PPFIA2: variants seen among roughly 807,000 people sequenced by gnomAD.
PPFIA2 encodes the protein PPFI scaffold protein A2.
A neutral mutation model predicts 175.5 loss-of-function variants in PPFIA2; 46 were observed. The ratio of observed to expected loss-of-function variants is 0.26; its 90% CI spans 0.21 to 0.34. The LOEUF is 0.34. PPFIA2 is among the 10% of genes least tolerant of loss of function. PPFIA2 has a pLI of 1.00. For synonymous variants in PPFIA2, 568 were observed against 511.4 expected (o/e 1.11, Z -1.49); for missense variants, 1,179 against 1,506.1 (o/e 0.78, Z 3.60).
intron 4 of PPFIA2, among the ~76,000 whole-genome samples, chr12:81,587,054 G>T (rs1376446321): frequency 2.0e-5 from 3 of 151,850 alleles, no homozygotes; most frequent in African/African-American, 7.2e-5. Context: ...TAAAAATAGA[G>T]AAATAATTTC....
intron 4 of PPFIA2, among the ~76,000 whole-genome samples, chr12:81,591,405 G>T (rs139014772): frequency 1.6e-4 from 24 of 152,240 alleles, no homozygotes; most frequent in Non-Finnish European, 1.0e-4. Context: ...AATTCAAGCC[G>T]GCTGCAGGAA....
intron 4 of PPFIA2, among the ~76,000 whole-genome samples, chr12:81,549,531 C>T (rs960331280): frequency 1.1e-4 from 17 of 151,862 alleles, no homozygotes; most frequent in African/African-American, 3.9e-4. Flanking sequence ...TAATGCATTC[C>T]TCTTTGATGC....
chr12:81,462,237 C>T (rs150494208), intron 4 of PPFIA2, among the ~76,000 whole-genome samples: 2 of 135,538 alleles, frequency 1.5e-5, no homozygotes, highest in African/African-American at 5.3e-5. Context: ...ACATTATTGT[C>T]TGCCATGCTT....
intron 3 of PPFIA2, among the ~76,000 whole-genome samples, chr12:81,707,176 C>T (rs1293483244): frequency 6.6e-6 from 1 of 152,108 alleles, no homozygotes; most frequent in Non-Finnish European, 1.5e-5. Flanking sequence ...CAAATGGGAT[C>T]TAATTAAACT....
intron 4 of PPFIA2, among the ~76,000 whole-genome samples, chr12:81,485,350 T>C (rs1306231178): frequency 6.6e-6 from 1 of 151,766 alleles, no homozygotes; most frequent in Non-Finnish European, 1.5e-5. Flanking sequence ...TAATACACTT[T>C]ATATAATTAT....
In PPFIA2 at chr12:81,293,190, G is replaced by A. The variant is rs548759368; in HGVS notation, c.2925+1645C>T. Among the ~76,000 whole-genome samples the A allele has an allele frequency of 2.0e-4, 31 of 151,944 alleles. No individual in the cohort carries two copies. In the South Asian group the frequency reaches 6.0e-3, roughly 30 times the overall value. ...ATGCTATATAAGATATGAGATTTGG[G>A]AAATCTAGTAATTATCAGAAATAAT... On this transcript the variant is annotated intron_variant, in intron 24 of 32. Coordinates refer to ENST00000549396, the MANE Select transcript of PPFIA2 (RefSeq NM_003625.5).
intron 7 of PPFIA2, among the ~76,000 whole-genome samples, chr12:81,428,150 G>A (rs1592823771): frequency 2.0e-5 from 3 of 151,554 alleles, no homozygotes; most frequent in African/African-American, 4.8e-5. Context: ...TATCAAACAC[G>A]ATCTTACTAT....
chr12:81,259,864 A>ATAAT (rs746298266), intron 32 of PPFIA2: 92 of 402,652 alleles, frequency 2.3e-4, no homozygotes, highest in Non-Finnish European at 3.8e-4. Context: ...AGCTTAACAA[A>ATAAT]TAATAGAATT....
chr12:81,720,156 C>G (rs1295314670), intron 3 of PPFIA2, among the ~76,000 whole-genome samples: 1 of 151,450 alleles, frequency 6.6e-6, no homozygotes, highest in Non-Finnish European at 1.5e-5. Context: ...TGGCCTACAT[C>G]TGCCCAGGTT....
In PPFIA2 at chr12:81,315,742, G is replaced by A. The variant is rs868351688; in HGVS notation, c.2642+10035C>T. Among the ~76,000 whole-genome samples the A allele has an allele frequency of 5.3e-5, 8 of 151,706 alleles. 1 individual carries two copies. In the South Asian group the frequency reaches 1.5e-3, roughly 28 times the overall value. On this transcript the variant is annotated intron_variant, in intron 22 of 32. Transcript: ENST00000549396. ...GATCTATGTGGATATCAGAGCATAC[G>A]AGGGTGACATCAAGAACTGCTTAAA... is the stretch of plus-strand genomic sequence containing the variant.
At chr12:81,543,412 A>G (rs956865906) in intron 4 of PPFIA2, among the ~76,000 whole-genome samples, 13 of 152,180 alleles carry the variant, frequency 8.5e-5, no homozygotes, top group African/African-American at 3.1e-4. Context: ...TGAGCAACAA[A>G]AAAGGCAGAA....
chr12:81,441,794 T>C (rs969576444), intron 6 of PPFIA2, among the ~76,000 whole-genome samples: 2 of 152,056 alleles, frequency 1.3e-5, no homozygotes, highest in South Asian at 2.1e-4. Flanking sequence ...ACGGGTGTCC[T>C]GAAGAAGGCC....
intron 17 of PPFIA2, 66 bp downstream of exon 17, chr12:81,353,053 T>C: frequency 4.2e-6 from 6 of 1,420,660 alleles, no homozygotes; most frequent in Non-Finnish European, 5.9e-6. Flanking sequence ...GATCTAGTAA[T>C]TACATTTTTA....
At chr12:81,527,082 T>C (rs1368382103) in intron 4 of PPFIA2, among the ~76,000 whole-genome samples, 1 of 152,174 alleles carries the variant, frequency 6.6e-6, no homozygotes, top group Non-Finnish European at 1.5e-5. Context: ...ATGCCAATGA[T>C]ACAATAAAAA....
At chr12:81,327,413 A>G (rs1026473713) in intron 21 of PPFIA2, among the ~76,000 whole-genome samples, 1 of 152,166 alleles carries the variant, frequency 6.6e-6, no homozygotes, top group Non-Finnish European at 1.5e-5. Flanking sequence ...GAAATTTTCC[A>G]TTATGTACAG....
chr12:81,410,062 T>C (rs1049872592), intron 7 of PPFIA2, among the ~76,000 whole-genome samples: 1 of 152,128 alleles, frequency 6.6e-6, no homozygotes, highest in African/African-American at 2.4e-5. Flanking sequence ...ATTAAGCCTT[T>C]TGCCAGCCAC....
chr12:81,382,783 A>G (rs2141962186), intron 9 of PPFIA2, among the ~76,000 whole-genome samples: 1 of 152,254 alleles, frequency 6.6e-6, no homozygotes, highest in Non-Finnish European at 1.5e-5. Context: ...AGAGAGAAAC[A>G]TCTGGAAATC....
intron 22 of PPFIA2, chr12:81,312,230 G>C: frequency 7.0e-7 from 1 of 1,428,056 alleles, no homozygotes; most frequent in Non-Finnish European, 9.5e-7. Flanking sequence ...AATGGATACA[G>C]TTCAATCCAA....
chr12:81,446,931 T>C (rs1170367741), intron 5 of PPFIA2, among the ~76,000 whole-genome samples: 1 of 152,100 alleles, frequency 6.6e-6, no homozygotes, highest in Admixed American at 6.5e-5. Flanking sequence ...AACTTTGCCA[T>C]TATTGGGCAC....
Sources: allele counts gnomAD v4.1 joint callset (sites outside exome capture counted in the v4.1 genomes callset), GRCh38; gene constraint gnomAD v4.1.1; transcripts MANE v1.5; gene names NCBI Gene and HGNC (gene_info 2026-07-23, HGNC 2026-07-21).